Variants in BRAP observed in about 807,000 individuals in gnomAD.
BRAP encodes the protein BRCA1-associated protein.
A neutral mutation model predicts 73.4 loss-of-function variants in BRAP; 42 were observed. The observed-to-expected ratio is 0.57, with a 90% CI of 0.45 to 0.74. The LOEUF (loss-of-function observed/expected upper bound fraction) is 0.74, where lower values mean the gene tolerates loss of function less well. Among genes scored for constraint, BRAP ranks in the 30% least tolerant of loss-of-function variants. The pLI, the probability that BRAP is intolerant of heterozygous loss-of-function variation, is 0.00. For missense variants in BRAP, 593 were observed against 751.4 expected, an observed-to-expected ratio of 0.79 and a Z score of 2.46; for synonymous variants, 255 against 267.4, an observed-to-expected ratio of 0.95 and a Z score of 0.45.
At chr12:111,655,210 A>T (rs1364609138) in intron 10 of BRAP, among the ~76,000 whole-genome samples, 1 of 152,098 alleles carries the variant, frequency 6.6e-6, no homozygotes, top group Non-Finnish European at 1.5e-5. Flanking sequence ...TTGCCTTAGA[A>T]GTTCATGTTT....
Position 111,644,678 on chromosome 12 carries a change from C to T in BRAP, c.1416-116G>A, listed in dbSNP as rs1886039074. ...CTCAGAATCCCTTTAGGACAGACCC[C>T]TTTCTCCCATCGTGAGGGAGAATGG... is the stretch of plus-strand genomic sequence containing the variant. On this transcript the variant is annotated intron_variant, in intron 11 of 11. Transcript: ENST00000419234. The T allele has an allele frequency of 6.9e-6, 10 of 1,445,280 alleles. No individual in the cohort carries two copies. The South Asian group carries it at 1.3e-4, about 18-fold the overall frequency. The allele number at this position is 1,445,280 out of a possible 1,614,324, so 89.5% of individuals were successfully genotyped here.
intron 1 of BRAP, among the ~76,000 whole-genome samples, chr12:111,683,583 C>A (rs1025002244): frequency 2.0e-5 from 3 of 152,174 alleles, no homozygotes; most frequent in African/African-American, 7.2e-5. Context: ...CTCTGTCACC[C>A]AGGCTGGAGT....
At chr12:111,675,254 T>C (rs1887336142) in intron 4 of BRAP, among the ~76,000 whole-genome samples, 1 of 151,442 alleles carries the variant, frequency 6.6e-6, no homozygotes, top group Non-Finnish European at 1.5e-5. Flanking sequence ...GAGTGAGACC[T>C]TGTCTCCAAA....
intron 10 of BRAP, among the ~76,000 whole-genome samples, chr12:111,652,975 C>T (rs12582964): frequency 0.26 from 39,680 of 152,132 alleles, 6,839 homozygotes; most frequent in East Asian, 0.9. Context: ...TCCCAAAGTG[C>T]TGGGAATTAC....
intron 4 of BRAP, among the ~76,000 whole-genome samples, chr12:111,678,332 C>A (rs970987657): frequency 6.6e-6 from 1 of 150,892 alleles, no homozygotes; most frequent in Non-Finnish European, 1.5e-5. Flanking sequence ...GTCTGGGAAC[C>A]ACCGCTTTTC....
intron 11 of BRAP, among the ~76,000 whole-genome samples, chr12:111,646,425 C>T (rs1004589888): frequency 3.3e-5 from 5 of 152,212 alleles, no homozygotes; most frequent in African/African-American, 1.2e-4. Context: ...CACACTAGCA[C>T]TGGAGCATGA....
chr12:111,668,451 A>G (rs1259052270), intron 5 of BRAP, among the ~76,000 whole-genome samples: 1 of 152,084 alleles, frequency 6.6e-6, no homozygotes, highest in African/African-American at 2.4e-5. Flanking sequence ...CAGCTTCCTT[A>G]TGATTTGGCT....
intron 6 of BRAP, among the ~76,000 whole-genome samples, chr12:111,661,653 C>A (rs999334106): frequency 4.0e-5 from 6 of 151,834 alleles, no homozygotes; most frequent in African/African-American, 1.5e-4. Flanking sequence ...TCAAAAAGTA[C>A]CCTTTCTTCT....
intron 9 of BRAP, among the ~76,000 whole-genome samples, chr12:111,657,582 A>G (rs1886580687): frequency 6.6e-6 from 1 of 152,124 alleles, no homozygotes. Context: ...TGAAATTTAT[A>G]TAAAACATGA....
intron 9 of BRAP, among the ~76,000 whole-genome samples, chr12:111,657,827 C>T (rs948298016): frequency 1.3e-5 from 2 of 152,006 alleles, no homozygotes; most frequent in Non-Finnish European, 2.9e-5. Context: ...TGCAGTGAGC[C>T]AAGACTGCAC....
At chr12:111,658,369 C>T (rs10849965) in intron 9 of BRAP, among the ~76,000 whole-genome samples, 12,392 of 151,508 alleles carry the variant, frequency 0.082, 1,692 homozygotes, top group African/African-American at 0.28. Flanking sequence ...GACCCGATCT[C>T]GGCTCACTGC....
At chr12:111,669,521 C>T (rs1173501394) in intron 5 of BRAP, among the ~76,000 whole-genome samples, 1 of 152,092 alleles carries the variant, frequency 6.6e-6, no homozygotes, top group South Asian at 2.1e-4. Flanking sequence ...CCACCATGCC[C>T]GGCTTTGCTT....
chr12:111,667,707 A>AAAAAAAAAAAAAAAAAG (rs1887003962), intron 5 of BRAP, among the ~76,000 whole-genome samples: 1 of 142,054 alleles, frequency 7.0e-6, no homozygotes, highest in Admixed American at 6.9e-5. Context: ...TCAAAAAAAA[A>AAAAAAAAAAAAAAAAAG]AAAAAAAAAA....
At chr12:111,649,892 G>T in intron 11 of BRAP, 47 bp downstream of exon 11, 2 of 1,318,810 alleles carry the variant, frequency 1.5e-6, no homozygotes, top group Non-Finnish European at 2.1e-6. Context: ...GAAAGAAACT[G>T]TCTGTTTATA....
At chr12:111,655,753 A>G (rs1886504194) in intron 9 of BRAP, 98 bp from the exon 10 acceptor site, 2 of 939,986 alleles carry the variant, frequency 2.1e-6, no homozygotes, top group African/African-American at 1.6e-5. Flanking sequence ...ACAGAAAACT[A>G]AAACTAACCA....
At chr12:111,661,908 C>T (rs1220641118) in intron 6 of BRAP, among the ~76,000 whole-genome samples, 5 of 151,336 alleles carry the variant, frequency 3.3e-5, no homozygotes, top group Non-Finnish European at 5.9e-5. Context: ...CATAGGGTTT[C>T]ACCATATTGG....
intron 9 of BRAP, among the ~76,000 whole-genome samples, chr12:111,658,371 G>A (rs759363371): frequency 2.0e-5 from 3 of 151,644 alleles, no homozygotes; most frequent in Non-Finnish European, 4.4e-5. Context: ...CCCGATCTCG[G>A]CTCACTGCAA....
intron 4 of BRAP, among the ~76,000 whole-genome samples, chr12:111,675,014 C>T (rs2135924986): frequency 6.6e-6 from 1 of 152,254 alleles, no homozygotes; most frequent in South Asian, 2.1e-4. Context: ...GTGACCAAAA[C>T]CATTCAATGA....
intron 1 of BRAP, among the ~76,000 whole-genome samples, chr12:111,684,870 T>C (rs759219329): frequency 4.6e-5 from 7 of 152,166 alleles, no homozygotes; most frequent in Non-Finnish European, 1.0e-4. Flanking sequence ...GGTTTCACCA[T>C]GTTGGCCAGG....
Sources: gnomAD v4.1 joint callset for allele counts (sites outside exome capture counted in the v4.1 genomes callset) on GRCh38, gnomAD v4.1.1 for gene constraint, MANE v1.5 for transcripts, NCBI Gene and HGNC (gene_info 2026-07-23, HGNC 2026-07-21) for gene names.